MCPH1: variants seen among roughly 807,000 people sequenced by gnomAD.
MCPH1 encodes microcephalin.
In MCPH1, 104 loss-of-function variants were observed where a neutral mutation model predicts 84.5. The observed-to-expected ratio is 1.23, with a 90% CI of 1.05 to 1.45. The LOEUF (loss-of-function observed/expected upper bound fraction) is 1.45, where lower values mean the gene tolerates loss of function less well. Among genes scored for constraint, MCPH1 ranks in the 40% most tolerant of loss-of-function variants. The pLI, the probability that MCPH1 is intolerant of heterozygous loss-of-function variation, is 0.00. For missense variants in MCPH1, 1,498 were observed against 1,005.7 expected, an observed-to-expected ratio of 1.49 and a Z score of -6.62; for synonymous variants, 514 against 366.8, an observed-to-expected ratio of 1.40 and a Z score of -4.58.
chr8:6,612,388 T>C (rs976980110), intron 12 of MCPH1, among the ~76,000 whole-genome samples: 20 of 152,160 alleles, frequency 1.3e-4, no homozygotes, highest in African/African-American at 4.8e-4. Context: ...TGGAGAGTTG[T>C]TCTGAGGCTT....
At chr8:6,471,804 T>C (rs1807763465) in intron 9 of MCPH1, among the ~76,000 whole-genome samples, 1 of 152,224 alleles carries the variant, frequency 6.6e-6, no homozygotes, top group African/African-American at 2.4e-5. Flanking sequence ...TCCACGGGGC[T>C]CTAACACAGC....
chr8:6,554,456 C>T (rs1244419609), intron 12 of MCPH1, among the ~76,000 whole-genome samples: 2 of 152,064 alleles, frequency 1.3e-5, no homozygotes, highest in African/African-American at 4.8e-5. Context: ...ATAAAATAAT[C>T]CATTTCCCAA....
chr8:6,437,431 A>C (rs3020268), intron 5 of MCPH1, among the ~76,000 whole-genome samples: 2,390 of 152,164 alleles, frequency 0.016, 57 homozygotes, highest in African/African-American at 0.051. Context: ...GGGTTTCACC[A>C]TGTTGGCCAG....
chr8:6,415,439 T>G (rs939403746), intron 3 of MCPH1, among the ~76,000 whole-genome samples: 1 of 151,882 alleles, frequency 6.6e-6, no homozygotes, highest in Non-Finnish European at 1.5e-5. Flanking sequence ...TCTCAACCTT[T>G]GCCTCCTGGG....
intron 9 of MCPH1, 56 bp downstream of exon 9, chr8:6,455,308 C>G (rs1244355395): frequency 5.8e-6 from 7 of 1,214,746 alleles, no homozygotes; most frequent in Non-Finnish European, 7.3e-6. Context: ...TCATAATGTT[C>G]TTCTCTGGGT....
rs1275654621 is a variant in MCPH1 at position 6,647,432 on chromosome 8, C to T, written c.*4383C>T. On this transcript the variant is annotated 3_prime_UTR_variant, in exon 14 of 14. Coordinates refer to ENST00000344683, the MANE Select transcript of MCPH1 (RefSeq NM_024596.5). ...AGCAATTTCACTCTCAGGTATATAA[C>T]CAAAATACATGAAAACATGGATCTG... 6.6e-6 allele frequency: 1 copy of T among 152,114 alleles called. No homozygotes were observed. Among genetic ancestry groups the T allele is most frequent in the Non-Finnish European group, 1.5e-5 (1 of 68,030 alleles). The allele number at this position is 152,114 out of a possible 1,614,324, so 9.4% of individuals were successfully genotyped here. A position where few individuals can be genotyped will look rare whatever the true frequency, so the allele number is the denominator to read the frequency against.
chr8:6,445,837 G>T (rs911811917), intron 8 of MCPH1: 2 of 1,128,948 alleles, frequency 1.8e-6, no homozygotes, highest in African/African-American at 3.2e-5. Context: ...AATAACTGAG[G>T]GGAGTGAAGT....
At chr8:6,639,488 G>A (rs1797783557) in intron 13 of MCPH1, among the ~76,000 whole-genome samples, 1 of 152,048 alleles carries the variant, frequency 6.6e-6, no homozygotes, top group South Asian at 2.1e-4. Context: ...TAGAAAGACC[G>A]TGTCCCTACA....
intron 12 of MCPH1, among the ~76,000 whole-genome samples, chr8:6,537,602 C>T (rs1040798595): frequency 6.6e-6 from 1 of 151,346 alleles, no homozygotes; most frequent in African/African-American, 2.4e-5. Context: ...AAAATATGTT[C>T]TGAAGTTTTT....
rs1410181042 is a variant in MCPH1 at position 6,458,486 on chromosome 8, A to G, written c.1935+3234A>G. On this transcript the variant is annotated intron_variant, in intron 9 of 13. Coordinates refer to ENST00000344683, the MANE Select transcript of MCPH1 (RefSeq NM_024596.5). ...GACTCCTTCTCAAAAAAAAAAAAAA[A>G]GAAAAAAAAAAATTCCTGATTTGTT... Among the ~76,000 whole-genome samples the G allele has an allele frequency of 1.8e-4, 15 of 84,084 alleles. No homozygotes were observed. In the East Asian group the frequency reaches 2.9e-3, roughly 16 times the overall value. 55.2% of individuals were successfully genotyped at this position (84,084 alleles called of 152,430 possible). A position where few individuals can be genotyped will look rare whatever the true frequency, so the allele number is the denominator to read the frequency against.
intron 13 of MCPH1, chr8:6,626,188 C>T (rs1385946969): frequency 4.7e-5 from 46 of 985,204 alleles, no homozygotes; most frequent in Non-Finnish European, 5.5e-5. Flanking sequence ...CGCCCGCCAC[C>T]CCAGCTGCCC....
intron 9 of MCPH1, among the ~76,000 whole-genome samples, chr8:6,476,888 T>C (rs1353408339): frequency 1.3e-5 from 2 of 152,214 alleles, no homozygotes; most frequent in South Asian, 2.1e-4. Flanking sequence ...CACACTCCTA[T>C]AGAGTGAACA....
intron 12 of MCPH1, among the ~76,000 whole-genome samples, chr8:6,608,373 A>C (rs117467833): frequency 1.3e-5 from 2 of 152,226 alleles, no homozygotes; most frequent in Non-Finnish European, 1.5e-5. Context: ...TGTATCCATC[A>C]AAAAGGAAGC....
chr8:6,540,913 C>G (rs1821432932), intron 12 of MCPH1, among the ~76,000 whole-genome samples: 2 of 152,234 alleles, frequency 1.3e-5, no homozygotes, highest in African/African-American at 4.8e-5. Context: ...CCAAGGAGCC[C>G]TGGGACAGTG....
At chr8:6,603,089 G>A (rs1037585539) in intron 12 of MCPH1, among the ~76,000 whole-genome samples, 2 of 151,798 alleles carry the variant, frequency 1.3e-5, no homozygotes, top group East Asian at 1.9e-4. Flanking sequence ...TTTTCAGCCT[G>A]TATTTTCTCA....
intron 9 of MCPH1, chr8:6,477,339 G>T (rs1563262279): frequency 2.2e-6 from 1 of 459,022 alleles, no homozygotes. Flanking sequence ...ACAGATTCCT[G>T]GGGGAAATTT....
chr8:6,470,040 T>A (rs1430087898), intron 9 of MCPH1, among the ~76,000 whole-genome samples: 2 of 152,226 alleles, frequency 1.3e-5, no homozygotes, highest in Non-Finnish European at 2.9e-5. Context: ...CATGTTTTTT[T>A]CTCATCGAAT....
chr8:6,628,469 C>CAAAAAAAAA (rs34188003), intron 13 of MCPH1, among the ~76,000 whole-genome samples: 1 of 41,580 alleles, frequency 2.4e-5, no homozygotes, highest in Non-Finnish European at 4.8e-5. Context: ...GACTCTGTCT[C>CAAAAAAAAA]AAAAAAAAAA....
intron 12 of MCPH1, among the ~76,000 whole-genome samples, chr8:6,597,643 A>C (rs1224693699): frequency 2.0e-5 from 3 of 152,142 alleles, no homozygotes; most frequent in African/African-American, 7.2e-5. Flanking sequence ...GGGAGGGCTC[A>C]GCGCTAGGAA....
Sources: gnomAD v4.1 joint callset for allele counts (sites outside exome capture counted in the v4.1 genomes callset) on GRCh38, gnomAD v4.1.1 for gene constraint, MANE v1.5 for transcripts, NCBI Gene and HGNC (gene_info 2026-07-23, HGNC 2026-07-21) for gene names.